The following CDHR3 variants were observed in gnomAD, a reference collection of about 807,000 sequenced individuals.
CDHR3 encodes cadherin related family member 3, also known as cadherin-related family member 3.
Under a neutral mutation model 86.6 loss-of-function variants are expected in CDHR3, and 79 were observed. The observed-to-expected ratio is 0.91, with a 90% CI of 0.76 to 1.10. CDHR3 has a LOEUF of 1.10. Ranked by LOEUF, CDHR3 falls within the 50% of genes least tolerant of loss-of-function variation. The pLI is 0.00. For missense variants in CDHR3, 1,081 were observed against 1,077.6 expected (o/e 1.00, Z -0.04); for synonymous variants, 421 against 402.4 (o/e 1.05, Z -0.55).
intron 17 of CDHR3, among the ~76,000 whole-genome samples, chr7:106,028,937 T>C (rs999010172): frequency 3.0e-5 from 3 of 100,788 alleles, no homozygotes; most frequent in East Asian, 2.3e-4. Flanking sequence ...TCTTTCTTTC[T>C]TTCTTTCTTT....
Position 105,996,227 on chromosome 7 carries a change from C to T in CDHR3, c.609-23C>T, listed in dbSNP as rs770399813. 16 of 1,340,950 alleles carry T rather than the reference C, an allele frequency of 1.2e-5. No homozygotes were observed. The Admixed American group carries it at 2.3e-4, about 19-fold the overall frequency. 83.1% of individuals were successfully genotyped at this position (1,340,950 alleles called of 1,614,324 possible). A position where few individuals can be genotyped will look rare whatever the true frequency, so the allele number is the denominator to read the frequency against. Reference sequence around the variant, plus strand: ...TAGTGCCAGCAAAGCTTGATTCTCTCACGTGGAATGTTTCCCTGGCAGTTT... The same window carrying T: ...TAGTGCCAGCAAAGCTTGATTCTCTTACGTGGAATGTTTCCCTGGCAGTTT... On this transcript the variant is annotated intron_variant, in intron 5 of 18. Transcript: ENST00000317716.
chr7:106,020,315 A>G, intron 12 of CDHR3, 58 bp from the exon 13 acceptor site: 2 of 1,439,486 alleles, frequency 1.4e-6, no homozygotes, highest in Non-Finnish European at 1.9e-6. Flanking sequence ...CTGCCTACAC[A>G]CAGTAAGCAC....
At position 106,028,597 on chromosome 7, in the gene CDHR3, T is replaced by C. The variant is rs773168998; in HGVS notation, c.2304+15T>C. ...ACGTCGTGGTGGTGAGTATGGGCAGTGTGGGGCACCAGGCATAGACGCTGG... is the reference window on the plus strand; with the variant it reads ...ACGTCGTGGTGGTGAGTATGGGCAGCGTGGGGCACCAGGCATAGACGCTGG... On this transcript the variant is annotated intron_variant, in intron 17 of 18. Coordinates refer to ENST00000317716, the MANE Select transcript of CDHR3 (RefSeq NM_152750.5). The C allele has an allele frequency of 2.5e-6, 4 of 1,613,696 alleles. No individual in the cohort carries two copies. The African/African-American group carries it at 4.0e-5, about 16-fold the overall frequency.
Position 106,030,659 on chromosome 7 carries a change from A to G in CDHR3, c.2305-133A>G. On this transcript the variant is annotated intron_variant, in intron 17 of 18. Transcript: ENST00000317716. The surrounding 1 kb of genome is among the most constrained non-coding windows in gnomAD (Gnocchi z 4.8). ...GTTCATCACTGTGTCCCCTGCATCTATCACAGTGCCTAATTAAAGACTTAG... is the reference window on the plus strand; with the variant it reads ...GTTCATCACTGTGTCCCCTGCATCTGTCACAGTGCCTAATTAAAGACTTAG... 1 of 752,614 alleles carries G rather than the reference A, an allele frequency of 1.3e-6. No homozygotes were observed. Among genetic ancestry groups the G allele is most frequent in the Non-Finnish European group, 2.3e-6 (1 of 438,294 alleles). 46.6% of individuals were successfully genotyped at this position (752,614 alleles called of 1,614,324 possible).
At chr7:106,001,351 C>A in intron 6 of CDHR3, 111 bp from the exon 7 acceptor site, 2 of 1,166,858 alleles carry the variant, frequency 1.7e-6, no homozygotes, top group Non-Finnish European at 2.4e-6. Context: ...CATGTTGATG[C>A]AACTTGAACA....
intron 8 of CDHR3, among the ~76,000 whole-genome samples, chr7:106,005,426 G>A (rs75308608): frequency 0.019 from 2,913 of 152,250 alleles, 96 homozygotes; most frequent in African/African-American, 0.065. Flanking sequence ...TATTAGCCTC[G>A]TCTCTGAGGT....
At chr7:105,974,806 T>C in intron 1 of CDHR3, 38 bp from the exon 2 acceptor site, 1 of 1,554,806 alleles carries the variant, frequency 6.4e-7, no homozygotes. Flanking sequence ...GCAAAAGGCT[T>C]TGTGTTCATG....
chr7:105,973,903 G>T (rs1049466081), intron 1 of CDHR3, among the ~76,000 whole-genome samples: 1 of 152,120 alleles, frequency 6.6e-6, no homozygotes, highest in Non-Finnish European at 1.5e-5. Context: ...GGAGGCAGAG[G>T]TTGCAGTGAG....
rs775395604 is a variant in CDHR3 at position 106,004,534 on chromosome 7, G to A, written c.899G>A (p.Arg300Gln). Residue 300 changes from arginine to glutamine, a missense_variant, in exon 8 of 19, where the codon CGA (arginine) becomes CAA (glutamine). Physicochemically the swap from Arg to Gln is conservative, Grantham distance 43. Transcript: ENST00000317716. ...GTIQVAQRID[R>Q]DAGELRQNPT... ...ATCCAAGTGGCCCAAAGGATAGACC[G>A]AGATGCAGGTGAATTGAGACAAAAT... 4.3e-5 allele frequency: 69 copies of A among 1,613,870 alleles called. No individual in the cohort carries two copies. Among genetic ancestry groups the A allele is most frequent in the Non-Finnish European group, 5.4e-5 (64 of 1,179,874 alleles).
intron 1 of CDHR3, among the ~76,000 whole-genome samples, chr7:105,972,605 C>T (rs1828156579): frequency 6.6e-6 from 1 of 152,160 alleles, no homozygotes; most frequent in Non-Finnish European, 1.5e-5. Flanking sequence ...ATACCCAACC[C>T]ATCAAAGCAA....
chr7:106,031,411 C>T (rs1239752147), intron 18 of CDHR3, among the ~76,000 whole-genome samples: 3 of 152,212 alleles, frequency 2.0e-5, no homozygotes, highest in East Asian at 3.8e-4. Flanking sequence ...CTCCTTTACA[C>T]TCATCCCTCT....
intron 1 of CDHR3, among the ~76,000 whole-genome samples, chr7:105,964,970 ATTGTCAC>A (rs1236312375): frequency 6.6e-6 from 1 of 152,130 alleles, no homozygotes; most frequent in Admixed American, 6.5e-5. Flanking sequence ...GGTGACTTTT[ATTGTCAC>A]TGGGGAAAGA....
At position 106,032,427 on chromosome 7, in the gene CDHR3, T is replaced by G. The variant is rs1025006329; in HGVS notation, c.2388T>G (p.Thr796=). 2.5e-6 allele frequency: 4 copies of G among 1,611,638 alleles called. No individual in the cohort carries two copies. The African/African-American group carries it at 5.3e-5, about 22-fold the overall frequency. The stretch of plus-strand genomic sequence containing the variant: ...AAACATATGAATTCAACTCAAAAAC[T>G]GGAGCCAGAAAGTGGAAAGATCCAC... ...TGETYEFNSK[T]GARKWKDPLT... The change falls in exon 19 of 19, where the codon ACT becomes ACG. Residue 796 remains threonine (T), a synonymous_variant. Coordinates refer to ENST00000317716, the MANE Select transcript of CDHR3 (RefSeq NM_152750.5).
chr7:106,020,000 G>T (rs575403843), intron 12 of CDHR3, among the ~76,000 whole-genome samples: 1 of 152,184 alleles, frequency 6.6e-6, no homozygotes, highest in South Asian at 2.1e-4. Context: ...AAACAACTCG[G>T]TGTCATCTGC....
chr7:106,012,584 G>A (rs1261721093), intron 8 of CDHR3, among the ~76,000 whole-genome samples: 4 of 152,104 alleles, frequency 2.6e-5, no homozygotes, highest in Non-Finnish European at 5.9e-5. Flanking sequence ...TCAAAGGTGG[G>A]ACTTTGAGTG....
At position 106,026,753 on chromosome 7, in the gene CDHR3, G is replaced by A. The variant is rs79367630; in HGVS notation, c.2272+58G>A. 499 of 1,578,410 alleles carry A rather than the reference G, an allele frequency of 3.2e-4. 1 individual carries two copies. The East Asian group carries it at 9.8e-3, about 31-fold the overall frequency. On this transcript the variant is annotated intron_variant, in intron 16 of 18. Transcript: ENST00000317716. Reference sequence around the variant, plus strand: ...TTTTTTGCTTGCTCTGTTGTGCTACGTAAAAAGGTTCCTACTCGGCAAAGA... The same window carrying A: ...TTTTTTGCTTGCTCTGTTGTGCTACATAAAAAGGTTCCTACTCGGCAAAGA...
rs2115950872 is a variant in CDHR3, at chr7:106,035,817, T to C, written c.*3120T>C. 6.6e-6 allele frequency: 1 copy of C among 152,232 alleles called. No homozygotes were observed. Among genetic ancestry groups the C allele is most frequent in the South Asian group, 2.1e-4 (1 of 4,816 alleles). 9.4% of individuals were successfully genotyped at this position (152,232 alleles called of 1,614,324 possible). ...CAACCAATCAGAGGCTAAGGTGAAG[T>C]TACAACGTTGCAACGAAGACTCGGC... is the stretch of plus-strand genomic sequence containing the variant. On this transcript the variant is annotated 3_prime_UTR_variant, in exon 19 of 19. Transcript: ENST00000317716.
intron 1 of CDHR3, among the ~76,000 whole-genome samples, chr7:105,973,844 G>A (rs1585508040): frequency 1.3e-5 from 2 of 152,302 alleles, no homozygotes; most frequent in South Asian, 2.1e-4. Context: ...GAGCACACCT[G>A]TAATCACAGC....
chr7:106,015,783 C>T (rs1835522422), intron 10 of CDHR3, 144 bp from the exon 11 acceptor site: 1 of 697,226 alleles, frequency 1.4e-6, no homozygotes, highest in Non-Finnish European at 2.6e-6. Flanking sequence ...CCCTCGGCAT[C>T]TAAAAGGCAG....
Sources: gnomAD v4.1 joint callset for allele counts (sites outside exome capture counted in the v4.1 genomes callset) on GRCh38, gnomAD v4.1.1 for gene constraint, Gnocchi (gnomAD v3.1) non-coding constraint, MANE v1.5 for transcripts, NCBI Gene and HGNC (gene_info 2026-07-23, HGNC 2026-07-21) for gene names.